RORA: variants seen among roughly 807,000 people sequenced by gnomAD.
RORA encodes RAR related orphan receptor A.
A neutral mutation model predicts 69.5 loss-of-function variants in RORA; 7 were observed. The ratio of observed to expected loss-of-function variants is 0.10; its 90% confidence interval spans 0.06 to 0.19. The LOEUF (loss-of-function observed/expected upper bound fraction) is 0.19, where lower values mean the gene tolerates loss of function less well. RORA is among the 10% of genes least tolerant of loss of function. The pLI is 1.00. For missense variants in RORA, 457 were observed against 663.0 expected, an observed-to-expected ratio of 0.69 and a Z score of 3.41; for synonymous variants, 261 against 240.8, an observed-to-expected ratio of 1.08 and a Z score of -0.78.
chr15:60,540,460 A>C (rs1033589264), intron 2 of RORA, among the ~76,000 whole-genome samples: 2 of 151,702 alleles, frequency 1.3e-5, no homozygotes, highest in East Asian at 3.9e-4. Context: ...CCTACGAGAA[A>C]ACCACTCCAC....
intron 1 of RORA, among the ~76,000 whole-genome samples, chr15:60,959,752 C>G (rs556175842): frequency 6.6e-6 from 1 of 152,220 alleles, no homozygotes; most frequent in East Asian, 1.9e-4. Context: ...GAAAAAACAC[C>G]GGATTAAATG....
At position 60,661,625 on chromosome 15, in the gene RORA, C is replaced by T. The variant is rs546327677; in HGVS notation, c.196+17032G>A. 2.6e-5 allele frequency among the ~76,000 whole-genome samples: 4 copies of T among 152,302 alleles called. No individual in the cohort carries two copies. The East Asian group carries it at 5.8e-4, about 22-fold the overall frequency. Reference sequence around the variant, plus strand: ...CTTTGAATAAGGGGAAGAATAATCTCAATTAACTTCACTATCAACCTGAAA... The same window carrying T: ...CTTTGAATAAGGGGAAGAATAATCTTAATTAACTTCACTATCAACCTGAAA... On this transcript the variant is annotated intron_variant, in intron 2 of 10. Transcript: ENST00000335670.
At chr15:60,615,309 C>A (rs2140599949) in intron 2 of RORA, among the ~76,000 whole-genome samples, 1 of 152,270 alleles carries the variant, frequency 6.6e-6, no homozygotes, top group South Asian at 2.1e-4. Flanking sequence ...TCGAGTGCTT[C>A]TAAGTCCTGA....
Position 60,933,845 on chromosome 15 carries a change from C to T in RORA, c.167-255159G>A, listed in dbSNP as rs115529042. ...ATGGGAAAAAGCAGAGGCACTGGTG[C>T]GATCCATTCTGTTGGCCATGAAATG... On this transcript the variant is annotated intron_variant, in intron 1 of 10. Transcript: ENST00000335670. Among the ~76,000 whole-genome samples, 633 of 152,288 alleles carry T rather than the reference C, an allele frequency of 4.2e-3. 3 individuals carry two copies. Among genetic ancestry groups the T allele is most frequent in the African/African-American group, 0.015 (607 of 41,554 alleles).
At chr15:61,201,544 G>A (rs1274956154) in intron 1 of RORA, among the ~76,000 whole-genome samples, 1 of 152,144 alleles carries the variant, frequency 6.6e-6, no homozygotes, top group Non-Finnish European at 1.5e-5. Flanking sequence ...AGTCTCGTGG[G>A]CACTTAACTG....
chr15:60,997,030 T>C (rs1006073338), intron 1 of RORA, among the ~76,000 whole-genome samples: 7 of 146,052 alleles, frequency 4.8e-5, no homozygotes, highest in African/African-American at 1.8e-4. Flanking sequence ...GAAGAGATGA[T>C]ATTGGGGTTT....
intron 2 of RORA, among the ~76,000 whole-genome samples, chr15:60,577,038 A>G (rs1243014163): frequency 6.6e-6 from 1 of 152,236 alleles, no homozygotes; most frequent in Non-Finnish European, 1.5e-5. Flanking sequence ...GGTCTTTGCT[A>G]TATTAATAAA....
At chr15:60,694,460 A>G (rs1241981969) in intron 1 of RORA, among the ~76,000 whole-genome samples, 1 of 152,178 alleles carries the variant, frequency 6.6e-6, no homozygotes, top group Non-Finnish European at 1.5e-5. Flanking sequence ...TCCTAGCTTT[A>G]CATTCTGGTT....
chr15:60,728,589 G>A (rs1170855577), intron 1 of RORA, among the ~76,000 whole-genome samples: 1 of 152,032 alleles, frequency 6.6e-6, no homozygotes, highest in African/African-American at 2.4e-5. Flanking sequence ...GTTGAATGAG[G>A]GGATTAAAAA....
At chr15:61,038,539 C>T (rs75700438) in intron 1 of RORA, among the ~76,000 whole-genome samples, 3,083 of 152,312 alleles carry the variant, frequency 0.02, 75 homozygotes, top group South Asian at 0.078. Flanking sequence ...TTATGTCAGT[C>T]AGTCACACTC....
At chr15:60,653,781 A>ATT (rs55931732) in intron 2 of RORA, among the ~76,000 whole-genome samples, 25 of 148,514 alleles carry the variant, frequency 1.7e-4, no homozygotes, top group East Asian at 5.9e-4. Context: ...ACCTTGTCTC[A>ATT]TTTTTTTTTT....
At chr15:61,110,433 A>C (rs1426337483) in intron 1 of RORA, among the ~76,000 whole-genome samples, 1 of 152,140 alleles carries the variant, frequency 6.6e-6, no homozygotes, top group African/African-American at 2.4e-5. Context: ...TGTACAGCAT[A>C]TAATACATGG....
rs528169843 is a variant in RORA, at chr15:61,005,984, T to G, written c.166+223069A>C. Reference sequence around the variant, plus strand: ...GTTTTGTTTTGTTTTGTTTTGTTTTTTTTGAGAAGGAGTCTCGCTCTGTCA... The same window carrying G: ...GTTTTGTTTTGTTTTGTTTTGTTTTGTTTGAGAAGGAGTCTCGCTCTGTCA... On this transcript the variant is annotated intron_variant, in intron 1 of 10. Transcript: ENST00000335670. 5.7e-4 allele frequency among the ~76,000 whole-genome samples: 86 copies of G among 151,600 alleles called. 2 individuals are homozygous for G. The highest frequency in any genetic ancestry group is 1.2e-3 in the African/African-American group (48 of 41,332).
At chr15:60,851,100 T>C (rs1442027873) in intron 1 of RORA, among the ~76,000 whole-genome samples, 2 of 152,128 alleles carry the variant, frequency 1.3e-5, no homozygotes, top group African/African-American at 4.8e-5. Context: ...CTTTGCGAGG[T>C]GGACCAAGCT....
intron 2 of RORA, among the ~76,000 whole-genome samples, chr15:60,597,322 G>T (rs1240881346): frequency 6.6e-6 from 1 of 151,116 alleles, no homozygotes; most frequent in East Asian, 2.0e-4. Flanking sequence ...AAGGAAAAGG[G>T]TAAAGTTCAC....
In RORA at chr15:60,911,703, A is replaced by ATTTT. The variant is rs60693324; in HGVS notation, c.167-233021_167-233018dup. 4.1e-4 allele frequency among the ~76,000 whole-genome samples: 59 copies of ATTTT among 142,912 alleles called. 1 individual carries two copies. Among genetic ancestry groups the ATTTT allele is most frequent in the Non-Finnish European group, 6.4e-4 (42 of 65,954 alleles). The allele number at this position is 142,912 out of a possible 152,430, so 93.8% of individuals were successfully genotyped here. A position where few individuals can be genotyped will look rare whatever the true frequency, so the allele number is the denominator to read the frequency against. On this transcript the variant is annotated intron_variant, in intron 1 of 10. Coordinates refer to ENST00000335670, the MANE Select transcript of RORA (RefSeq NM_134261.3). ...AAAAGTGTCAGGTAACGGATTTTTG[A>ATTTT]TTTTTTTTTTTTTTTTGAAACAGTC...
At chr15:60,978,038 TGTTTTC>T (rs368426779) in intron 1 of RORA, among the ~76,000 whole-genome samples, 3,686 of 152,268 alleles carry the variant, frequency 0.024, 161 homozygotes, top group African/African-American at 0.086. Context: ...ACTGCCAAAC[TGTTTTC>T]CACAGAGGCT....
At chr15:61,164,469 C>A in intron 1 of RORA, among the ~76,000 whole-genome samples, 1 of 152,290 alleles carries the variant, frequency 6.6e-6, no homozygotes, top group Admixed American at 6.5e-5. Flanking sequence ...CTAAGCAATG[C>A]AACCATTGCC....
chr15:60,514,537 T>G, intron 4 of RORA, 79 bp downstream of exon 4: 1 of 1,402,126 alleles, frequency 7.1e-7, no homozygotes, highest in Non-Finnish European at 1.0e-6. Flanking sequence ...GGGGCAGATA[T>G]TGGCAGATCT....
Sources: allele counts gnomAD v4.1 joint callset (sites outside exome capture counted in the v4.1 genomes callset), GRCh38; gene constraint gnomAD v4.1.1; transcripts MANE v1.5; gene names NCBI Gene and HGNC (gene_info 2026-07-23, HGNC 2026-07-21).